SLC14A2: variants seen among roughly 807,000 people sequenced by gnomAD.
SLC14A2 encodes the protein solute carrier family 14 member 2, also known as urea transporter 2.
In SLC14A2, 91 loss-of-function variants were observed where a neutral mutation model predicts 104.6. That is an observed-to-expected ratio of 0.87 (90% CI 0.73 to 1.04). The LOEUF (loss-of-function observed/expected upper bound fraction) is 1.04. SLC14A2 is among the 50% of genes least tolerant of loss of function. The pLI, the probability that SLC14A2 is intolerant of heterozygous loss-of-function variation, is 0.00. For missense variants in SLC14A2, 1,189 were observed against 1,156.0 expected, an observed-to-expected ratio of 1.03 and a Z score of -0.41; for synonymous variants, 476 against 466.4, an observed-to-expected ratio of 1.02 and a Z score of -0.27.
At chr18:45,219,654 A>G (rs2084043003) in intron 1 of SLC14A2, among the ~76,000 whole-genome samples, 1 of 152,228 alleles carries the variant, frequency 6.6e-6, no homozygotes, top group Non-Finnish European at 1.5e-5. Context: ...CTGAAATATC[A>G]GTTACAAAGG....
At chr18:45,364,384 T>C (rs1161794314) in intron 1 of SLC14A2, among the ~76,000 whole-genome samples, 1 of 152,196 alleles carries the variant, frequency 6.6e-6, no homozygotes, top group African/African-American at 2.4e-5. Context: ...GTGTGAAGAC[T>C]CTTTCTGATG....
chr18:45,257,680 A>G (rs944296462), intron 1 of SLC14A2, among the ~76,000 whole-genome samples: 1 of 152,176 alleles, frequency 6.6e-6, no homozygotes, highest in Admixed American at 6.5e-5. Flanking sequence ...CATTTCTCCA[A>G]CCTCATAGAG....
chr18:45,308,463 G>T (rs751432227), intron 1 of SLC14A2, among the ~76,000 whole-genome samples: 13 of 152,166 alleles, frequency 8.5e-5, no homozygotes, highest in Non-Finnish European at 1.6e-4. Context: ...TAGAAGAAAC[G>T]TATTTTAAAG....
chr18:45,357,426 C>T (rs1438542293), intron 1 of SLC14A2, among the ~76,000 whole-genome samples: 3 of 151,896 alleles, frequency 2.0e-5, no homozygotes, highest in Admixed American at 1.3e-4. Context: ...GCCTGGACAA[C>T]ACAGCCAGAC....
chr18:45,498,914 A>G (rs1002013629), intron 2 of SLC14A2, among the ~76,000 whole-genome samples: 10 of 152,202 alleles, frequency 6.6e-5, no homozygotes, highest in African/African-American at 2.4e-4. Context: ...ACAGCTCCAC[A>G]GAAACTTCTC....
intron 2 of SLC14A2, among the ~76,000 whole-genome samples, chr18:45,503,646 T>A (rs2043234351): frequency 6.6e-6 from 1 of 152,246 alleles, no homozygotes; most frequent in Non-Finnish European, 1.5e-5. Context: ...TACTCTTTCT[T>A]GGCAACTCTA....
At chr18:45,185,306 G>T in the SLC14A2 span, among the ~76,000 whole-genome samples, 2 of 152,290 alleles carry the variant, frequency 1.3e-5, no homozygotes, top group East Asian at 3.9e-4. Context: ...AATTGTTCAT[G>T]GTCTCTCATG....
intron 1 of SLC14A2, among the ~76,000 whole-genome samples, chr18:45,279,307 G>A (rs577117762): frequency 5.9e-5 from 9 of 152,354 alleles, no homozygotes; most frequent in Non-Finnish European, 1.2e-4. Context: ...GTCACTTGAA[G>A]CATTTCTGAT....
chr18:45,445,094 C>G (rs1598827281), intron 1 of SLC14A2, among the ~76,000 whole-genome samples: 1 of 141,010 alleles, frequency 7.1e-6, no homozygotes, highest in African/African-American at 2.7e-5. Context: ...CTCTTTGTGG[C>G]AAATTGACAT....
chr18:45,648,515 T>C (rs2045667588), intron 10 of SLC14A2, among the ~76,000 whole-genome samples: 1 of 152,326 alleles, frequency 6.6e-6, no homozygotes, highest in African/African-American at 2.4e-5. Context: ...TAGTTAATGC[T>C]TTTAACCATC....
intron 2 of SLC14A2, among the ~76,000 whole-genome samples, chr18:45,552,199 A>G (rs1449121635): frequency 6.6e-6 from 1 of 152,178 alleles, no homozygotes; most frequent in African/African-American, 2.4e-5. Context: ...GGCCCAAGAA[A>G]ACTCTCCATG....
the SLC14A2 span, among the ~76,000 whole-genome samples, chr18:45,205,782 T>C: frequency 3.6e-4 from 55 of 152,318 alleles, no homozygotes; most frequent in Middle Eastern, 3.4e-3. Context: ...TATCCAGGAA[T>C]CCATTCATTC....
chr18:45,547,087 T>C (rs2043982698), intron 2 of SLC14A2, among the ~76,000 whole-genome samples: 1 of 152,090 alleles, frequency 6.6e-6, no homozygotes, highest in South Asian at 2.1e-4. Context: ...AATCAGACGG[T>C]CCAGAGCTCC....
chr18:45,331,943 G>C (rs906291103), intron 1 of SLC14A2, among the ~76,000 whole-genome samples: 1 of 152,146 alleles, frequency 6.6e-6, no homozygotes, highest in African/African-American at 2.4e-5. Flanking sequence ...ACCTTCCTCT[G>C]TGCAGACAGC....
intron 1 of SLC14A2, among the ~76,000 whole-genome samples, chr18:45,623,772 T>C (rs1420614586): frequency 6.6e-6 from 1 of 152,140 alleles, no homozygotes; most frequent in Non-Finnish European, 1.5e-5. Context: ...GGATGCAGCA[T>C]GGAGCACGGA....
chr18:45,228,911 T>G (rs879519497), intron 1 of SLC14A2, among the ~76,000 whole-genome samples: 1 of 152,134 alleles, frequency 6.6e-6, no homozygotes, highest in Non-Finnish European at 1.5e-5. Flanking sequence ...CTTTAACATC[T>G]ATACCTCTGT....
intron 1 of SLC14A2, among the ~76,000 whole-genome samples, chr18:45,382,449 T>C (rs745923650): frequency 6.6e-6 from 1 of 152,154 alleles, no homozygotes; most frequent in Admixed American, 6.5e-5. Flanking sequence ...AAAATAGGCC[T>C]GTATGTTAGC....
intron 2 of SLC14A2, among the ~76,000 whole-genome samples, chr18:45,530,065 A>G (rs1322660352): frequency 6.6e-6 from 1 of 152,190 alleles, no homozygotes; most frequent in Non-Finnish European, 1.5e-5. Context: ...GTTAGGAAAC[A>G]TGATATGGTA....
intron 5 of SLC14A2, among the ~76,000 whole-genome samples, chr18:45,636,615 C>A (rs190389975): frequency 6.6e-4 from 101 of 152,250 alleles, no homozygotes; most frequent in African/African-American, 2.4e-3. Context: ...TCATTGTACA[C>A]CTTGGTGATT....
Sources: allele counts gnomAD v4.1 joint callset (sites outside exome capture counted in the v4.1 genomes callset), GRCh38; gene constraint gnomAD v4.1.1; transcripts MANE v1.5; gene names NCBI Gene and HGNC (gene_info 2026-07-23, HGNC 2026-07-21).